The following SPMIP11 variants were observed in gnomAD, a reference collection of about 807,000 sequenced individuals.
SPMIP11 encodes the protein sperm microtubule inner protein 11, also known as long intergenic non-protein coding RNA 935.
the SPMIP11 span, chr12:48,768,137 G>C: frequency 1.3e-5 from 3 of 224,396 alleles, no homozygotes; most frequent in Admixed American, 1.6e-4. Context: ...GCATGGAATA[G>C]GCACTCCTCA....
At chr12:48,765,020 G>T in the SPMIP11 span, 2 of 695,000 alleles carry the variant, frequency 2.9e-6, no homozygotes, top group Middle Eastern at 2.3e-4. Flanking sequence ...GGTAAGGGTG[G>T]GGAGGTCAAG....
chr12:48,770,719 C>T, the SPMIP11 span: 1 of 1,584,750 alleles, frequency 6.3e-7, no homozygotes, highest in Non-Finnish European at 8.7e-7. Flanking sequence ...CCAGCTTCAC[C>T]TGGAAAAAGT....
the SPMIP11 span, among the ~76,000 whole-genome samples, chr12:48,744,643 C>T: frequency 7.9e-5 from 12 of 151,932 alleles, no homozygotes; most frequent in South Asian, 1.5e-3. Flanking sequence ...TGCTTGAACC[C>T]GGGAGGCGGA....
the SPMIP11 span, among the ~76,000 whole-genome samples, chr12:48,746,687 A>G: frequency 1.3e-5 from 2 of 150,966 alleles, no homozygotes; most frequent in Non-Finnish European, 3.0e-5. Flanking sequence ...TTGGAAGGCC[A>G]AGGTGGGTGG....
At chr12:48,757,684 A>AT in the SPMIP11 span, among the ~76,000 whole-genome samples, 3 of 149,188 alleles carry the variant, frequency 2.0e-5, no homozygotes, top group Admixed American at 2.0e-4. Flanking sequence ...ATAAAATAAA[A>AT]AATAAATATA....
the SPMIP11 span, chr12:48,769,184 G>T: frequency 9.1e-7 from 1 of 1,095,116 alleles, no homozygotes; most frequent in Non-Finnish European, 1.2e-6. Flanking sequence ...AAGTCTCCTG[G>T]TTGTAAAGAA....
chr12:48,748,992 T>C, the SPMIP11 span, among the ~76,000 whole-genome samples: 3 of 152,240 alleles, frequency 2.0e-5, no homozygotes, highest in Non-Finnish European at 4.4e-5. Context: ...CTGAGCCCAG[T>C]GGCTCACACC....
chr12:48,742,809 C>A, the SPMIP11 span, among the ~76,000 whole-genome samples: 1 of 151,694 alleles, frequency 6.6e-6, no homozygotes. Flanking sequence ...CGCTTGAACC[C>A]AGGAGGCAGA....
At chr12:48,731,643 C>T in the SPMIP11 span, among the ~76,000 whole-genome samples, 1 of 152,170 alleles carries the variant, frequency 6.6e-6, no homozygotes, top group African/African-American at 2.4e-5. Flanking sequence ...CCCATAACCC[C>T]TGGGTAACTT....
the SPMIP11 span, among the ~76,000 whole-genome samples, chr12:48,753,305 C>T: frequency 3.3e-5 from 5 of 152,244 alleles, no homozygotes; most frequent in African/African-American, 1.2e-4. Context: ...TGCTGACCTT[C>T]AAGCTGTGCA....
At chr12:48,737,099 A>G in the SPMIP11 span, among the ~76,000 whole-genome samples, 1 of 151,686 alleles carries the variant, frequency 6.6e-6, no homozygotes, top group Non-Finnish European at 1.5e-5. Context: ...GCAGGCACAC[A>G]CCACCATGCC....
the SPMIP11 span, among the ~76,000 whole-genome samples, chr12:48,731,519 C>T: frequency 6.6e-6 from 1 of 152,036 alleles, no homozygotes; most frequent in Non-Finnish European, 1.5e-5. Flanking sequence ...ATTCACTTCT[C>T]CCCAGCAAGT....
the SPMIP11 span, chr12:48,768,083 A>G: frequency 1.1e-5 from 2 of 178,556 alleles, no homozygotes; most frequent in South Asian, 2.4e-4. Context: ...GGGGTGGGGA[A>G]GTGCCCAGGA....
the SPMIP11 span, among the ~76,000 whole-genome samples, chr12:48,752,767 G>A: frequency 0.048 from 7,201 of 150,902 alleles, 587 homozygotes; most frequent in African/African-American, 0.17. Flanking sequence ...CGCCTCCCGG[G>A]TTCAAGCGAT....
chr12:48,770,638 G>C, the SPMIP11 span: 2 of 859,704 alleles, frequency 2.3e-6, no homozygotes, highest in Non-Finnish European at 3.7e-6. Flanking sequence ...CTTGATATAG[G>C]AGGTCAGAGG....
At chr12:48,743,763 C>T in the SPMIP11 span, among the ~76,000 whole-genome samples, 1 of 151,676 alleles carries the variant, frequency 6.6e-6, no homozygotes, top group Admixed American at 6.6e-5. Flanking sequence ...TAAAACTGCA[C>T]CTCTACTAAA....
At chr12:48,745,636 A>T in the SPMIP11 span, among the ~76,000 whole-genome samples, 17 of 152,336 alleles carry the variant, frequency 1.1e-4, no homozygotes, top group African/African-American at 4.1e-4. Context: ...GAGTTCAATA[A>T]ATCAAACTAC....
At chr12:48,759,187 A>G in the SPMIP11 span, 1 of 702,574 alleles carries the variant, frequency 1.4e-6, no homozygotes, top group African/African-American at 1.7e-5. Context: ...AAGTACTCAG[A>G]ACGAGTCTAC....
the SPMIP11 span, chr12:48,765,913 G>A: frequency 8.6e-6 from 4 of 464,738 alleles, no homozygotes; most frequent in East Asian, 1.1e-4. Context: ...TGAGAGGTCT[G>A]TGAGGGGCCA....
Sources: allele counts gnomAD v4.1 joint callset (sites outside exome capture counted in the v4.1 genomes callset), GRCh38; gene constraint gnomAD v4.1.1; transcripts MANE v1.5; gene names NCBI Gene and HGNC (gene_info 2026-07-23, HGNC 2026-07-21).